The following DRC11 variants were observed in gnomAD, a reference collection of about 807,000 sequenced individuals.
DRC11 encodes the protein IQ and AAA domain-containing protein 1.
the DRC11 span, among the ~76,000 whole-genome samples, chr2:236,344,025 T>A: frequency 6.6e-6 from 1 of 152,040 alleles, no homozygotes; most frequent in Non-Finnish European, 1.5e-5. Flanking sequence ...TCTGCACATT[T>A]TTTTTAACTT....
chr2:236,442,438 G>A, the DRC11 span, among the ~76,000 whole-genome samples: 1 of 152,288 alleles, frequency 6.6e-6, no homozygotes, highest in Admixed American at 6.5e-5. Context: ...AGCCCTTTTA[G>A]CTAACTGTGA....
the DRC11 span, chr2:236,465,763 G>A: frequency 8.8e-7 from 1 of 1,135,814 alleles, no homozygotes; most frequent in Non-Finnish European, 1.3e-6. This position sits in a 1 kb window ranked among gnomAD's most constrained non-coding sequence, Gnocchi z 6.2. Flanking sequence ...TACAGAGTTG[G>A]TAAAAATATC....
the DRC11 span, chr2:236,363,885 G>C: frequency 3.1e-6 from 5 of 1,613,978 alleles, no homozygotes; most frequent in Non-Finnish European, 2.5e-6. The surrounding 1 kb of genome is among the most constrained non-coding windows in gnomAD (Gnocchi z 5.6). Flanking sequence ...TTTCGGTGCA[G>C]ATGGCATGGA....
At chr2:236,385,072 T>C in the DRC11 span, among the ~76,000 whole-genome samples, 1 of 151,778 alleles carries the variant, frequency 6.6e-6, no homozygotes, top group Non-Finnish European at 1.5e-5. Flanking sequence ...AGCCTTGTAG[T>C]ATAGTTTGAA....
At chr2:236,406,980 C>T in the DRC11 span, among the ~76,000 whole-genome samples, 14 of 152,222 alleles carry the variant, frequency 9.2e-5, no homozygotes, top group Admixed American at 2.0e-4. This position sits in a 1 kb window ranked among gnomAD's most constrained non-coding sequence, Gnocchi z 4.7. Flanking sequence ...CTCTTGACCT[C>T]GTGATCCGCC....
chr2:236,317,431 G>A, the DRC11 span, among the ~76,000 whole-genome samples: 1 of 152,166 alleles, frequency 6.6e-6, no homozygotes, highest in Non-Finnish European at 1.5e-5. The surrounding 1 kb of genome is among the most constrained non-coding windows in gnomAD (Gnocchi z 5.4). Flanking sequence ...AGTCTCACAA[G>A]CTAATGTTGG....
chr2:236,366,971 G>A, the DRC11 span, among the ~76,000 whole-genome samples: 5 of 132,414 alleles, frequency 3.8e-5, no homozygotes, highest in African/African-American at 6.2e-5. Flanking sequence ...CACCACACCC[G>A]GCTATTTTTT....
the DRC11 span, among the ~76,000 whole-genome samples, chr2:236,315,792 T>G: frequency 1.3e-5 from 2 of 151,952 alleles, no homozygotes; most frequent in Non-Finnish European, 2.9e-5. This position sits in a 1 kb window ranked among gnomAD's most constrained non-coding sequence, Gnocchi z 5.1. Flanking sequence ...AAGTGGCAGC[T>G]GAACAATGAG....
chr2:236,338,138 C>G, the DRC11 span: 1 of 1,508,288 alleles, frequency 6.6e-7, no homozygotes, highest in South Asian at 1.3e-5. Flanking sequence ...GGCCGCCCTC[C>G]TGGCAAGCAC....
chr2:236,447,775 T>C, the DRC11 span, among the ~76,000 whole-genome samples: 1 of 152,064 alleles, frequency 6.6e-6, no homozygotes, highest in Non-Finnish European at 1.5e-5. This position sits in a 1 kb window ranked among gnomAD's most constrained non-coding sequence, Gnocchi z 4.6. Flanking sequence ...ACGTGATGAG[T>C]TCCATTTTCT....
chr2:236,410,037 C>G, the DRC11 span, among the ~76,000 whole-genome samples: 2 of 151,974 alleles, frequency 1.3e-5, no homozygotes, highest in Non-Finnish European at 2.9e-5. Context: ...ATTTTTGCAT[C>G]AATGTTCATC....
At chr2:236,497,045 C>T in the DRC11 span, 46 of 811,292 alleles carry the variant, frequency 5.7e-5, no homozygotes, top group Middle Eastern at 2.4e-4. This position sits in a 1 kb window ranked among gnomAD's most constrained non-coding sequence, Gnocchi z 5.1. Context: ...TTAGATTTTC[C>T]GTACACCAAC....
chr2:236,481,034 C>T, the DRC11 span, among the ~76,000 whole-genome samples: 1 of 152,216 alleles, frequency 6.6e-6, no homozygotes, highest in African/African-American at 2.4e-5. Context: ...AAGGGGATAT[C>T]CCTGCTATGC....
At chr2:236,438,592 A>T in the DRC11 span, among the ~76,000 whole-genome samples, 1 of 152,054 alleles carries the variant, frequency 6.6e-6, no homozygotes, top group Non-Finnish European at 1.5e-5. Context: ...ATGTTCTTCC[A>T]TTTGTTTGTA....
At chr2:236,423,897 T>G in the DRC11 span, among the ~76,000 whole-genome samples, 2 of 152,018 alleles carry the variant, frequency 1.3e-5, no homozygotes, top group African/African-American at 2.4e-5. Context: ...TCATGTCCTT[T>G]GAAGGGACAT....
At chr2:236,491,188 G>GTA in the DRC11 span, among the ~76,000 whole-genome samples, 1,455 of 24,662 alleles carry the variant, frequency 0.059, 70 homozygotes, top group Non-Finnish European at 0.08. Context: ...TATACACACA[G>GTA]TATATATATA....
chr2:236,490,838 T>C, the DRC11 span, among the ~76,000 whole-genome samples: 1 of 151,354 alleles, frequency 6.6e-6, no homozygotes, highest in African/African-American at 2.4e-5. This position sits in a 1 kb window ranked among gnomAD's most constrained non-coding sequence, Gnocchi z 5.5. Flanking sequence ...TATACACATA[T>C]ATACATGTCT....
the DRC11 span, among the ~76,000 whole-genome samples, chr2:236,444,724 G>C: frequency 6.6e-6 from 1 of 152,136 alleles, no homozygotes; most frequent in East Asian, 1.9e-4. Context: ...CTCTACACAG[G>C]AGTTACTTTG....
chr2:236,352,203 G>A, the DRC11 span, among the ~76,000 whole-genome samples: 2 of 152,108 alleles, frequency 1.3e-5, no homozygotes, highest in Non-Finnish European at 2.9e-5. This position sits in a 1 kb window ranked among gnomAD's most constrained non-coding sequence, Gnocchi z 7.0. Context: ...GCAGGAGGGG[G>A]GCGGCCAGCG....
Sources: gnomAD v4.1 joint callset for allele counts (sites outside exome capture counted in the v4.1 genomes callset) on GRCh38, gnomAD v4.1.1 for gene constraint, Gnocchi (gnomAD v3.1) non-coding constraint, MANE v1.5 for transcripts, NCBI Gene and HGNC (gene_info 2026-07-23, HGNC 2026-07-21) for gene names.